ARID4A: variants seen among roughly 807,000 people sequenced by gnomAD.
ARID4A encodes AT-rich interaction domain 4A.
In ARID4A, 39 loss-of-function variants were observed where a neutral mutation model predicts 148.6. That is an observed-to-expected ratio of 0.26 (90% CI 0.20 to 0.34). ARID4A has a LOEUF of 0.34. ARID4A is among the 10% of genes least tolerant of loss of function. The pLI, the probability that ARID4A is intolerant of heterozygous loss-of-function variation, is 1.00. For synonymous variants in ARID4A, 475 were observed against 481.2 expected (o/e 0.99, Z 0.17); for missense variants, 1,265 against 1,449.1 (o/e 0.87, Z 2.06).
chr14:58,360,865 T>C (rs2035103280), intron 18 of ARID4A, 36 bp from the exon 19 acceptor site: 1 of 1,602,626 alleles, frequency 6.2e-7, no homozygotes, highest in African/African-American at 1.3e-5. Context: ...TCGTAAAGCA[T>C]TGGCCCTTCT....
intron 5 of ARID4A, among the ~76,000 whole-genome samples, chr14:58,310,432 A>T (rs1025566055): frequency 6.6e-6 from 1 of 152,224 alleles, no homozygotes; most frequent in South Asian, 2.1e-4. Flanking sequence ...CACATAGATC[A>T]GTGGAACAGA....
rs552183972 is a variant in ARID4A, at chr14:58,301,569, C to G, written c.7-11C>G. The G allele has an allele frequency of 1.2e-6, 2 of 1,604,570 alleles. No homozygotes were observed. The highest frequency in any genetic ancestry group is 4.5e-5 in the East Asian group (2 of 44,774). On this transcript the variant is annotated splice_polypyrimidine_tract_variant and intron_variant, in intron 2 of 23. Coordinates refer to ENST00000355431, the MANE Select transcript of ARID4A (RefSeq NM_002892.4). Reference sequence around the variant, plus strand: ...GTAATGACATTCACAGTTTTATGTTCCTTTCACCAGGCGGCAGATGAGCCT... The same window carrying G: ...GTAATGACATTCACAGTTTTATGTTGCTTTCACCAGGCGGCAGATGAGCCT...
chr14:58,357,939 A>G (rs1458054390), intron 17 of ARID4A, among the ~76,000 whole-genome samples: 3 of 152,218 alleles, frequency 2.0e-5, no homozygotes, highest in African/African-American at 7.2e-5. Flanking sequence ...GCAATGGCTC[A>G]TGCCTGTAAT....
intron 5 of ARID4A, among the ~76,000 whole-genome samples, chr14:58,316,947 C>T (rs1391561524): frequency 2.6e-5 from 4 of 151,198 alleles, no homozygotes; most frequent in African/African-American, 9.7e-5. Flanking sequence ...AATCCCAGCA[C>T]TTTGGGAGGC....
rs551886929 is a variant in ARID4A, at chr14:58,337,910, C to A, written c.907-6785C>A. Among the ~76,000 whole-genome samples the A allele has an allele frequency of 2.6e-5, 4 of 152,282 alleles. No individual in the cohort carries two copies. In the East Asian group the frequency reaches 5.8e-4, roughly 22 times the overall value. ...CGAAGTCTGGGTTTTTTATCACAGG[C>A]CTTTAGAAGTCTGCCTGATCATGAT... is the stretch of plus-strand genomic sequence containing the variant. On this transcript the variant is annotated intron_variant, in intron 11 of 23. Transcript: ENST00000355431.
rs1363211857 is a variant in ARID4A at position 58,365,505 on chromosome 14, C to G, written c.3212-13C>G. 5.4e-6 allele frequency: 3 copies of G among 555,712 alleles called. No homozygotes were observed. Among genetic ancestry groups the G allele is most frequent in the Non-Finnish European group, 5.5e-6 (2 of 362,726 alleles). 34.4% of individuals were successfully genotyped at this position (555,712 alleles called of 1,614,324 possible). A position where few individuals can be genotyped will look rare whatever the true frequency, so the allele number is the denominator to read the frequency against. On this transcript the variant is annotated splice_polypyrimidine_tract_variant and intron_variant, in intron 20 of 23. Coordinates refer to ENST00000355431, the MANE Select transcript of ARID4A (RefSeq NM_002892.4). ...TTTTTTTTTTCAACATTCTCTCTTT[C>G]CCCTTATTTCAGGTCAGAAGAGGCC...
intron 19 of ARID4A, 161 bp downstream of exon 19, chr14:58,361,203 TG>T (rs1376383367): frequency 1.3e-6 from 1 of 765,378 alleles, no homozygotes; most frequent in Non-Finnish European, 1.6e-6. Flanking sequence ...GAGTATCCCT[TG>T]CCCAAAATGC....
intron 11 of ARID4A, among the ~76,000 whole-genome samples, chr14:58,331,995 A>AACCC (rs2033548157): frequency 4.7e-5 from 4 of 85,192 alleles, no homozygotes; most frequent in East Asian, 4.3e-4. Flanking sequence ...CATTTTCCCT[A>AACCC]CCCCCCCCCC....
rs922815884 is a variant in ARID4A at position 58,356,630 on chromosome 14, AT to A, written c.1854-2492del. On this transcript the variant is annotated intron_variant, in intron 17 of 23. Transcript: ENST00000355431. ...CCTAACTTATAGTGGTTCAACTTCA[AT>A]TTTTTTTTTAAATTTAAAATGGTTC... 6.5e-4 allele frequency among the ~76,000 whole-genome samples: 97 copies of A among 149,316 alleles called. 1 individual carries two copies. Among genetic ancestry groups the A allele is most frequent in the Non-Finnish European group, 1.2e-3 (82 of 67,204 alleles).
At chr14:58,299,666 TC>T in intron 1 of ARID4A, 131 bp from the exon 2 acceptor site, 1 of 718,048 alleles carries the variant, frequency 1.4e-6, no homozygotes, top group Non-Finnish European at 2.3e-6. Context: ...CTGGCTGCCC[TC>T]GTAAGGGGTC....
rs537161610 is a variant in ARID4A, at chr14:58,300,054, T to C, written c.6+194T>C. 5.9e-5 allele frequency among the ~76,000 whole-genome samples: 9 copies of C among 152,342 alleles called. No individual in the cohort carries two copies. In the South Asian group the frequency reaches 1.9e-3, roughly 32 times the overall value. On this transcript the variant is annotated intron_variant, in intron 2 of 23. Transcript: ENST00000355431. The stretch of plus-strand genomic sequence containing the variant: ...AAATGCGGAGTTTAGGCCCTCTCTG[T>C]AGCAGTACTTTGGAAAGGCTGGTGC...
In ARID4A at chr14:58,342,838, G is replaced by A. The variant is rs548613737; in HGVS notation, c.907-1857G>A. 1.1e-3 allele frequency among the ~76,000 whole-genome samples: 174 copies of A among 152,184 alleles called. 1 individual carries two copies. Among genetic ancestry groups the A allele is most frequent in the Non-Finnish European group, 2.1e-3 (144 of 68,002 alleles). ...TGAGGAAGGAGAATCGCTTGAACTC[G>A]GGAGGCAGAGGGTTGCACTGAGCTG... On this transcript the variant is annotated intron_variant, in intron 11 of 23. Coordinates refer to ENST00000355431, the MANE Select transcript of ARID4A (RefSeq NM_002892.4).
At chr14:58,319,809 C>A (rs1322802000) in intron 7 of ARID4A, among the ~76,000 whole-genome samples, 1 of 151,528 alleles carries the variant, frequency 6.6e-6, no homozygotes, top group Non-Finnish European at 1.5e-5. Context: ...TCTCAAAGTG[C>A]TGACTGGGAT....
At chr14:58,369,200 G>A (rs1158428271) in intron 23 of ARID4A, among the ~76,000 whole-genome samples, 1 of 152,078 alleles carries the variant, frequency 6.6e-6, no homozygotes, top group African/African-American at 2.4e-5. Context: ...ACAAGAGGAA[G>A]TTGTCATCAA....
intron 8 of ARID4A, among the ~76,000 whole-genome samples, chr14:58,325,196 C>T (rs1237179394): frequency 1.3e-5 from 2 of 152,120 alleles, no homozygotes; most frequent in Non-Finnish European, 2.9e-5. Context: ...CTTCCTCCTC[C>T]ACTTCTTCAT....
chr14:58,343,674 C>CA (rs199499980), intron 11 of ARID4A, among the ~76,000 whole-genome samples: 6,099 of 151,916 alleles, frequency 0.04, 153 homozygotes, highest in Non-Finnish European at 0.059. Flanking sequence ...ATTAAAAATA[C>CA]AAAAAATTAG....
chr14:58,335,802 A>G (rs1171202845), intron 11 of ARID4A, among the ~76,000 whole-genome samples: 1 of 152,102 alleles, frequency 6.6e-6, no homozygotes, highest in Non-Finnish European at 1.5e-5. Flanking sequence ...CCCCTGTCCA[A>G]TCAGATACCC....
chr14:58,321,634 T>G (rs909654329), intron 7 of ARID4A, among the ~76,000 whole-genome samples: 2 of 152,190 alleles, frequency 1.3e-5, no homozygotes, highest in Non-Finnish European at 2.9e-5. Context: ...GTATTAGATA[T>G]GTACTCACTG....
rs113086298 is a variant in ARID4A, at chr14:58,328,373, A to G, written c.662+57A>G. Reference sequence around the variant, plus strand: ...GGGAGGAAAAAAAAAATAGAATTACAATGATAGACACCTCCCCCACCAAAA... The same window carrying G: ...GGGAGGAAAAAAAAAATAGAATTACGATGATAGACACCTCCCCCACCAAAA... On this transcript the variant is annotated intron_variant, in intron 9 of 23. Transcript: ENST00000355431. The G allele has an allele frequency of 2.9e-4, 332 of 1,139,602 alleles. 1 individual carries two copies. The African/African-American group carries it at 3.7e-3, about 13-fold the overall frequency. The allele number at this position is 1,139,602 out of a possible 1,614,324, so 70.6% of individuals were successfully genotyped here.
Sources: gnomAD v4.1 joint callset for allele counts (sites outside exome capture counted in the v4.1 genomes callset) on GRCh38, gnomAD v4.1.1 for gene constraint, MANE v1.5 for transcripts, NCBI Gene and HGNC (gene_info 2026-07-23, HGNC 2026-07-21) for gene names.